Variants in CEP164 observed in about 807,000 individuals in gnomAD.
The protein encoded by CEP164 is centrosomal protein of 164 kDa.
In CEP164, 162 loss-of-function variants were observed where a neutral mutation model predicts 182.7. That is an observed-to-expected ratio of 0.89 (90% CI 0.78 to 1.01). The LOEUF (loss-of-function observed/expected upper bound fraction) is 1.01, where lower values mean the gene tolerates loss of function less well. Among genes scored for constraint, CEP164 ranks in the 50% least tolerant of loss-of-function variants. The pLI is 0.00. For synonymous variants in CEP164, 661 were observed against 690.0 expected, an observed-to-expected ratio of 0.96 and a Z score of 0.66; for missense variants, 1,735 against 1,790.4, an observed-to-expected ratio of 0.97 and a Z score of 0.56.
At chr11:117,338,458 T>C (rs749328953) in intron 2 of CEP164, 108 bp from the exon 3 acceptor site, 13 of 771,790 alleles carry the variant, frequency 1.7e-5, no homozygotes, top group Non-Finnish European at 2.0e-5. Flanking sequence ...GCCAAATTGC[T>C]CTGCAGGGTC....
intron 6 of CEP164, 144 bp downstream of exon 6, chr11:117,362,137 C>T (rs533975246): frequency 2.8e-5 from 24 of 847,100 alleles, no homozygotes; most frequent in South Asian, 7.3e-5. Context: ...AAATGTAATT[C>T]GCACCTGTAT....
chr11:117,407,626 C>G (rs2136867753), intron 27 of CEP164, among the ~76,000 whole-genome samples: 1 of 152,214 alleles, frequency 6.6e-6, no homozygotes, highest in East Asian at 1.9e-4. Flanking sequence ...GCACTCCAGC[C>G]TGGGTGATGG....
chr11:117,357,803 A>G (rs12221818), intron 5 of CEP164, among the ~76,000 whole-genome samples: 24,038 of 152,074 alleles, frequency 0.16, 2,009 homozygotes, highest in Middle Eastern at 0.17. Flanking sequence ...TTTGCCTCCT[A>G]GGGTCCCCAG....
At chr11:117,375,249 G>A (rs1483809498) in intron 10 of CEP164, among the ~76,000 whole-genome samples, 1 of 152,208 alleles carries the variant, frequency 6.6e-6, no homozygotes, top group Non-Finnish European at 1.5e-5. Flanking sequence ...GTCATGGAAA[G>A]AGCTTGGGCT....
intron 10 of CEP164, 37 bp from the exon 11 acceptor site, chr11:117,375,671 G>C (rs1178458012): frequency 1.9e-6 from 3 of 1,594,458 alleles, no homozygotes; most frequent in South Asian, 2.2e-5. Flanking sequence ...GACTGTGACA[G>C]AGGCAGAGTT....
chr11:117,342,200 A>G (rs903346840), intron 3 of CEP164, among the ~76,000 whole-genome samples: 2 of 152,278 alleles, frequency 1.3e-5, no homozygotes, highest in Admixed American at 1.3e-4. Flanking sequence ...TGACTGGTAC[A>G]TAGGAGGCAC....
intron 8 of CEP164, 22 bp from the exon 9 acceptor site, chr11:117,371,058 A>G (rs1340617517): frequency 1.3e-6 from 2 of 1,543,224 alleles, no homozygotes; most frequent in Non-Finnish European, 1.7e-6. Flanking sequence ...CTTCCTTTCT[A>G]ACATGGTCTG....
At chr11:117,410,386 C>T in intron 30 of CEP164, 1 of 294,512 alleles carries the variant, frequency 3.4e-6, no homozygotes, top group Non-Finnish European at 6.4e-6. Context: ...TATTTATCCC[C>T]ATTTTACAGA....
In CEP164 at chr11:117,409,726, A is replaced by C; in HGVS notation, c.3857A>C (p.Asn1286Thr). The C allele has an allele frequency of 6.2e-7, 1 of 1,613,750 alleles. No individual in the cohort carries two copies. The highest frequency in any genetic ancestry group is 8.5e-7 in the Non-Finnish European group (1 of 1,179,890). Residue 1286 changes from asparagine to threonine, a missense_variant, in exon 30 of 33, where the codon AAC becomes ACC. Coordinates refer to ENST00000278935, the MANE Select transcript of CEP164 (RefSeq NM_014956.5). The surrounding 1 kb of genome is among the most constrained non-coding windows in gnomAD (Gnocchi z 4.4). ...SSVLSILDSL[N>T]PQSPPPLLAS... ...GTCCTCAGCATCCTGGACAGCCTCA[A>C]CCCTCAGTCGCCGCCGCCGCTCCTC...
chr11:117,394,258 C>T lies in CEP164; in HGVS notation c.2617-92C>T, dbSNP rs530048150. On this transcript the variant is annotated intron_variant, in intron 20 of 32. Coordinates refer to ENST00000278935, the MANE Select transcript of CEP164 (RefSeq NM_014956.5). This position sits in a 1 kb window ranked among gnomAD's most constrained non-coding sequence, Gnocchi z 4.0. ...GGAGCCGATGGTGTCCCTGATCTTACTGATGCAAGGCTGCAGGGCTAGGGG... is the reference window on the plus strand; with the variant it reads ...GGAGCCGATGGTGTCCCTGATCTTATTGATGCAAGGCTGCAGGGCTAGGGG... 5.5e-4 allele frequency: 829 copies of T among 1,500,270 alleles called. 14 individuals carry two copies. The South Asian group carries it at 9.2e-3, about 17-fold the overall frequency. 92.9% of individuals were successfully genotyped at this position (1,500,270 alleles called of 1,614,324 possible). A position where few individuals can be genotyped will look rare whatever the true frequency, so the allele number is the denominator to read the frequency against.
At chr11:117,392,169 T>C in intron 17 of CEP164, 57 bp from the exon 18 acceptor site, 4 of 1,460,902 alleles carry the variant, frequency 2.7e-6, no homozygotes, top group Non-Finnish European at 3.7e-6. Context: ...TGGCTCCGCC[T>C]CCCACCATGA....
chr11:117,380,352 ACT>A (rs1049119889), intron 11 of CEP164, among the ~76,000 whole-genome samples: 3 of 151,624 alleles, frequency 2.0e-5, no homozygotes, highest in African/African-American at 7.3e-5. Context: ...CTGGCTCCTG[ACT>A]CTCTGTGTAG....
intron 8 of CEP164, among the ~76,000 whole-genome samples, chr11:117,367,280 C>A (rs1479345810): frequency 6.6e-6 from 1 of 152,248 alleles, no homozygotes; most frequent in Non-Finnish European, 1.5e-5. Flanking sequence ...GCTTCACCTC[C>A]TTCTGCTTTC....
At chr11:117,393,377 G>A (rs1472763380) in intron 20 of CEP164, among the ~76,000 whole-genome samples, 1 of 152,072 alleles carries the variant, frequency 6.6e-6, no homozygotes, top group African/African-American at 2.4e-5. Flanking sequence ...CCACCTAATG[G>A]GGGGCAATTC....
intron 1 of CEP164, among the ~76,000 whole-genome samples, chr11:117,331,774 TCTCA>T (rs1471152737): frequency 6.7e-6 from 1 of 149,940 alleles, no homozygotes. Context: ...TCAGATAGGG[TCTCA>T]CTCTGTTGCC....
Position 117,409,073 on chromosome 11 carries a change from T to G in CEP164, c.3748+45T>G. 6.2e-7 allele frequency: 1 copy of G among 1,611,616 alleles called. No homozygotes were observed. The highest frequency in any genetic ancestry group is 1.3e-5 in the African/African-American group (1 of 74,986). On this transcript the variant is annotated intron_variant, in intron 29 of 32. Transcript: ENST00000278935. The surrounding 1 kb of genome is among the most constrained non-coding windows in gnomAD (Gnocchi z 4.4). ...GGTGAGGACCATGGTATCCATGGAA[T>G]GGGAGGAACTTGGGGAATAGAAGAA... is the stretch of plus-strand genomic sequence containing the variant.
intron 1 of CEP164, among the ~76,000 whole-genome samples, chr11:117,332,641 T>G (rs1408173764): frequency 6.6e-6 from 1 of 152,130 alleles, no homozygotes; most frequent in Non-Finnish European, 1.5e-5. Context: ...ACATGAAAAT[T>G]ATGAGCTCAG....
chr11:117,336,463 C>T, intron 2 of CEP164: 1 of 1,479,784 alleles, frequency 6.8e-7, no homozygotes, highest in Non-Finnish European at 9.4e-7. Context: ...AGGGGCCCCA[C>T]CTGGGAGGAA....
intron 1 of CEP164, among the ~76,000 whole-genome samples, chr11:117,329,839 CTTTTTTTTTTT>C (rs61429989): frequency 2.1e-5 from 2 of 95,580 alleles, no homozygotes; most frequent in East Asian, 3.6e-4. Flanking sequence ...TGCGCCTGGC[CTTTTTTTTTTT>C]TTTTTTTTTT....
Sources: gnomAD v4.1 joint callset for allele counts (sites outside exome capture counted in the v4.1 genomes callset) on GRCh38, gnomAD v4.1.1 for gene constraint, Gnocchi (gnomAD v3.1) non-coding constraint, MANE v1.5 for transcripts, NCBI Gene and HGNC (gene_info 2026-07-23, HGNC 2026-07-21) for gene names.